The following CREM variants were observed in gnomAD, a reference collection of about 807,000 sequenced individuals.
The protein encoded by CREM is cAMP responsive element modulator.
Under a neutral mutation model 37.3 loss-of-function variants are expected in CREM, and 13 were observed. The observed-to-expected ratio is 0.35, with a 90% CI of 0.23 to 0.55. The LOEUF is 0.55. Ranked by LOEUF, CREM falls within the 20% of genes least tolerant of loss-of-function variation. CREM has a pLI of 0.88. For synonymous variants in CREM, 124 were observed against 120.2 expected, an observed-to-expected ratio of 1.03 and a Z score of -0.21; for missense variants, 296 against 362.3, an observed-to-expected ratio of 0.82 and a Z score of 1.49.
intron 6 of CREM, among the ~76,000 whole-genome samples, chr10:35,200,075 G>GA (rs1334825956): frequency 6.6e-6 from 1 of 151,806 alleles, no homozygotes; most frequent in Non-Finnish European, 1.5e-5. Context: ...TTTTAGTAGA[G>GA]ACAGGGTTTC....
intron 3 of CREM, among the ~76,000 whole-genome samples, chr10:35,176,915 T>G (rs567816085): frequency 1.5e-4 from 23 of 152,356 alleles, no homozygotes; most frequent in African/African-American, 5.0e-4. Flanking sequence ...TATTTTACCC[T>G]TAACATTTCT....
At chr10:35,137,285 G>A (rs1435540256) in intron 1 of CREM, among the ~76,000 whole-genome samples, 6 of 152,086 alleles carry the variant, frequency 3.9e-5, no homozygotes, top group African/African-American at 1.4e-4. Flanking sequence ...AACTTATTTT[G>A]TTTGGAGTTT....
chr10:35,137,841 C>A lies in CREM; in HGVS notation c.6C>A (p.Ser2Arg). MSKCARKKYIKT... is the reference protein window; with the variant it reads MRKCARKKYIKT... ...TGATTACAAATATCTTAACAATGAGCAAATGTGCAAGGAAAAAATATATTA... is the reference window on the plus strand; with the variant it reads ...TGATTACAAATATCTTAACAATGAGAAAATGTGCAAGGAAAAAATATATTA... The change falls in exon 2 of 8, where the codon AGC (serine) becomes AGA (arginine). Residue 2 changes from serine to arginine, a missense_variant. By Grantham distance (110) the Ser-to-Arg change is moderately radical. Transcript: ENST00000685392. The A allele has an allele frequency of 1.3e-6, 2 of 1,580,258 alleles. No homozygotes were observed. Among genetic ancestry groups the A allele is most frequent in the Non-Finnish European group, 1.7e-6 (2 of 1,160,848 alleles).
intron 3 of CREM, among the ~76,000 whole-genome samples, chr10:35,157,937 A>G (rs12784482): frequency 0.29 from 44,488 of 152,052 alleles, 7,059 homozygotes; most frequent in South Asian, 0.35. Context: ...TATTGTTTTT[A>G]TGTACTAATA....
intron 2 of CREM, among the ~76,000 whole-genome samples, chr10:35,139,221 A>G (rs939436250): frequency 6.6e-6 from 1 of 151,986 alleles, no homozygotes; most frequent in Non-Finnish European, 1.5e-5. Flanking sequence ...CCAAGGTTCA[A>G]GTGATTCTTG....
At chr10:35,169,851 C>A (rs1024677421) in intron 3 of CREM, among the ~76,000 whole-genome samples, 36 of 152,144 alleles carry the variant, frequency 2.4e-4, no homozygotes, top group Admixed American at 1.2e-3. Context: ...TTGAGATAAT[C>A]ATGTGGTTTT....
chr10:35,155,495 T>A (rs1254365274), intron 3 of CREM, among the ~76,000 whole-genome samples: 1 of 152,198 alleles, frequency 6.6e-6, no homozygotes, highest in Non-Finnish European at 1.5e-5. Flanking sequence ...GAATATGTTA[T>A]GTGTCTTTTA....
In CREM at chr10:35,149,889, A is replaced by AACACACACACACACACACACACAC. The variant is rs55971717; in HGVS notation, c.168+1425_168+1448dup. ...TAGGTTAGGCCAGGCCTTTTGCTTA[A>AACACACACACACACACACACACAC]ACACACACACACACACACACACACA... On this transcript the variant is annotated intron_variant, in intron 3 of 7. Transcript: ENST00000685392. 1.1e-3 allele frequency among the ~76,000 whole-genome samples: 118 copies of AACACACACACACACACACACACAC among 111,908 alleles called. 2 individuals are homozygous for AACACACACACACACACACACACAC. The highest frequency in any genetic ancestry group is 1.9e-3 in the Admixed American group (19 of 10,118). 73.4% of individuals were successfully genotyped at this position (111,908 alleles called of 152,430 possible). A position where few individuals can be genotyped will look rare whatever the true frequency, so the allele number is the denominator to read the frequency against.
At chr10:35,138,240 A>G (rs1359011035) in intron 2 of CREM, among the ~76,000 whole-genome samples, 1 of 152,274 alleles carries the variant, frequency 6.6e-6, no homozygotes, top group Non-Finnish European at 1.5e-5. Flanking sequence ...CTTATAAAAC[A>G]GAAGAAAGTC....
rs1320413037 is a variant in CREM, at chr10:35,169,776, T to A, written c.169-9113T>A. On this transcript the variant is annotated intron_variant, in intron 3 of 7. Transcript: ENST00000685392. ...TTTTGAGATACGTCCCATCAATACC[T>A]AATTTATTGAGAGTTTTTAGCATGA... is the stretch of plus-strand genomic sequence containing the variant. Among the ~76,000 whole-genome samples the A allele has an allele frequency of 4.6e-5, 7 of 152,098 alleles. No individual in the cohort carries two copies. The East Asian group carries it at 1.3e-3, about 29-fold the overall frequency.
At chr10:35,129,631 C>T (rs974959320) in intron 1 of CREM, among the ~76,000 whole-genome samples, 60 of 152,254 alleles carry the variant, frequency 3.9e-4, no homozygotes, top group African/African-American at 1.3e-3. Flanking sequence ...TGTCCTGTTC[C>T]TTTTAGATAG....
intron 3 of CREM, among the ~76,000 whole-genome samples, chr10:35,172,535 T>G (rs1341157280): frequency 6.6e-6 from 1 of 151,998 alleles, no homozygotes; most frequent in Non-Finnish European, 1.5e-5. Context: ...CAAACTGTGT[T>G]AGTATTAACT....
chr10:35,175,634 A>G (rs1266405782), intron 3 of CREM: 8 of 1,604,156 alleles, frequency 5.0e-6, no homozygotes, highest in African/African-American at 1.3e-5. Context: ...CAAAAGCGAT[A>G]AGGAGCATGT....
chr10:35,194,078 G>A (rs1168353586), intron 6 of CREM, among the ~76,000 whole-genome samples: 1 of 93,852 alleles, frequency 1.1e-5, no homozygotes, highest in Non-Finnish European at 2.0e-5. Flanking sequence ...GCCTGGGGGA[G>A]AATAGCGAGA....
chr10:35,199,894 T>TTTTC (rs2095333205), intron 6 of CREM, among the ~76,000 whole-genome samples: 1 of 150,342 alleles, frequency 6.7e-6, no homozygotes, highest in East Asian at 1.9e-4. Flanking sequence ...TGGCTTTTTT[T>TTTTC]TTTTTTTTTT....
intron 1 of CREM, among the ~76,000 whole-genome samples, chr10:35,134,182 G>T (rs1309423688): frequency 6.6e-6 from 1 of 151,674 alleles, no homozygotes; most frequent in Admixed American, 6.6e-5. Context: ...GAGTAGCTGG[G>T]ATTATAGGTG....
intron 6 of CREM, among the ~76,000 whole-genome samples, chr10:35,189,428 T>G (rs903055147): frequency 1.1e-4 from 16 of 152,236 alleles, no homozygotes; most frequent in African/African-American, 3.9e-4. Context: ...TTGAATTCTA[T>G]TCCTCTTGGT....
At chr10:35,184,700 T>C (rs2094481145) in intron 5 of CREM, among the ~76,000 whole-genome samples, 1 of 152,186 alleles carries the variant, frequency 6.6e-6, no homozygotes. Context: ...AGAAACAGAT[T>C]CTTGATGTGT....
chr10:35,195,140 G>A (rs763287763), intron 6 of CREM: 1 of 1,606,336 alleles, frequency 6.2e-7, no homozygotes, highest in African/African-American at 1.3e-5. Context: ...AACACTTTAT[G>A]TTGAACTGTG....
Sources: allele counts gnomAD v4.1 joint callset (sites outside exome capture counted in the v4.1 genomes callset), GRCh38; gene constraint gnomAD v4.1.1; transcripts MANE v1.5; gene names NCBI Gene and HGNC (gene_info 2026-07-23, HGNC 2026-07-21).